HMCN1: variants seen among roughly 807,000 people sequenced by gnomAD.
HMCN1 encodes the protein hemicentin-1.
In HMCN1, 321 loss-of-function variants were observed where a neutral mutation model predicts 625.9. The ratio of observed to expected loss-of-function variants is 0.51; its 90% CI spans 0.47 to 0.56. The LOEUF (loss-of-function observed/expected upper bound fraction) is 0.56, where lower values mean the gene tolerates loss of function less well. Ranked by LOEUF, HMCN1 falls within the 20% of genes least tolerant of loss-of-function variation. HMCN1 has a pLI of 0.00. For missense variants in HMCN1, 6,588 were observed against 6,887.3 expected (o/e 0.96, Z 1.54); for synonymous variants, 2,425 against 2,417.6 (o/e 1.00, Z -0.09).
At chr1:186,116,326 A>G (rs1488611692) in intron 75 of HMCN1, among the ~76,000 whole-genome samples, 1 of 152,140 alleles carries the variant, frequency 6.6e-6, no homozygotes, top group Non-Finnish European at 1.5e-5. Context: ...ACTTTAAATC[A>G]TGTATGTGTA....
Position 185,925,329 on chromosome 1 carries a change from A to G in HMCN1, c.1430+138A>G, listed in dbSNP as rs76191465. ...GAATATAGCAGTGAACAAAATGGAC[A>G]CAAATCTGTGCCGTTGTGGAGCTTA... On this transcript the variant is annotated intron_variant, in intron 9 of 106. Coordinates refer to ENST00000271588, the MANE Select transcript of HMCN1 (RefSeq NM_031935.3). The G allele has an allele frequency of 8.5e-4, 693 of 814,382 alleles. 5 individuals carry two copies. The African/African-American group carries it at 0.01, about 12-fold the overall frequency. The allele number at this position is 814,382 out of a possible 1,614,324, so 50.4% of individuals were successfully genotyped here. A position where few individuals can be genotyped will look rare whatever the true frequency, so the allele number is the denominator to read the frequency against.
At chr1:185,877,362 T>TGCTC (rs1313252025) in intron 4 of HMCN1, among the ~76,000 whole-genome samples, 1 of 133,770 alleles carries the variant, frequency 7.5e-6, no homozygotes, top group Non-Finnish European at 1.6e-5. Context: ...ACCAGTACCA[T>TGCTC]GCTCGCCTTG....
chr1:185,987,909 G>C (rs970306795), intron 20 of HMCN1, among the ~76,000 whole-genome samples: 10 of 151,996 alleles, frequency 6.6e-5, no homozygotes, highest in Non-Finnish European at 2.9e-5. Flanking sequence ...CCCTGGTGGC[G>C]CATGTGGAAC....
chr1:186,130,881 T>C (rs774921394), intron 85 of HMCN1, among the ~76,000 whole-genome samples, 184 bp downstream of exon 85: 3 of 152,206 alleles, frequency 2.0e-5, no homozygotes, highest in Non-Finnish European at 2.9e-5. Context: ...TTCAAATAAG[T>C]GCAGTGAGAT....
At chr1:185,762,803 G>T (rs1655597854) in intron 1 of HMCN1, among the ~76,000 whole-genome samples, 1 of 152,252 alleles carries the variant, frequency 6.6e-6, no homozygotes, top group South Asian at 2.1e-4. Context: ...TTTAGATGTT[G>T]GTTAAGAGCA....
intron 1 of HMCN1, among the ~76,000 whole-genome samples, chr1:185,737,131 C>T (rs1653635350): frequency 6.6e-6 from 1 of 151,166 alleles, no homozygotes; most frequent in Non-Finnish European, 1.5e-5. Flanking sequence ...GAGTTTTTGG[C>T]CTCTTTGTAG....
intron 40 of HMCN1, 87 bp from the exon 41 acceptor site, chr1:186,045,601 G>A: frequency 1.0e-6 from 1 of 976,016 alleles, no homozygotes; most frequent in South Asian, 1.3e-5. Flanking sequence ...AACCAATAAA[G>A]GTATTCAGTA....
At chr1:185,989,438 GA>G (rs1652250120) in intron 20 of HMCN1, 49 bp from the exon 21 acceptor site, 1 of 1,603,960 alleles carries the variant, frequency 6.2e-7, no homozygotes, top group African/African-American at 1.4e-5. Context: ...TTATAATCTT[GA>G]AACAAACAAA....
At chr1:185,926,988 A>C (rs1667309524) in intron 9 of HMCN1, among the ~76,000 whole-genome samples, 2 of 152,192 alleles carry the variant, frequency 1.3e-5, no homozygotes, top group Admixed American at 1.3e-4. Context: ...TTTCATCATC[A>C]AGAAAGGAAC....
At chr1:185,982,082 C>T (rs929074495) in intron 17 of HMCN1, among the ~76,000 whole-genome samples, 180 bp from the exon 18 acceptor site, 13 of 152,268 alleles carry the variant, frequency 8.5e-5, no homozygotes, top group African/African-American at 2.9e-4. Context: ...TGCATTCCCC[C>T]TACTTAGAAG....
chr1:185,803,205 C>CAAAAAAAAAAAAAAAAAAAAAAG, intron 1 of HMCN1, among the ~76,000 whole-genome samples: 1 of 58,758 alleles, frequency 1.7e-5, no homozygotes, highest in African/African-American at 4.1e-5. Flanking sequence ...AAAAAAAAAG[C>CAAAAAAAAAAAAAAAAAAAAAAG]AAAAAAAAAA....
chr1:185,826,568 T>C (rs756482686), intron 1 of HMCN1, among the ~76,000 whole-genome samples: 1 of 152,148 alleles, frequency 6.6e-6, no homozygotes, highest in Non-Finnish European at 1.5e-5. Flanking sequence ...ACAAACTAGG[T>C]GCACCAACTT....
At position 186,096,708 on chromosome 1, in the gene HMCN1, G is replaced by A. The variant is rs529107376; in HGVS notation, c.10573+1187G>A. 1.1e-4 allele frequency among the ~76,000 whole-genome samples: 17 copies of A among 152,168 alleles called. 1 individual carries two copies. In the South Asian group the frequency reaches 3.5e-3, roughly 32 times the overall value. On this transcript the variant is annotated intron_variant, in intron 68 of 106. Transcript: ENST00000271588. ...AAAGATCATTCACTCTGATCAAGTG[G>A]GTTGCATTCCAGGGATGCAAGGATG...
Position 185,951,584 on chromosome 1 carries a change from T to C in HMCN1, c.1829-10934T>C, listed in dbSNP as rs1041502222. ...CTTCAGCCGCTAAGCCGAGAAGATC[T>C]GGGAAGGAGTCAGTCAGAGAGCCTT... On this transcript the variant is annotated intron_variant, in intron 11 of 106. Transcript: ENST00000271588. 9.4e-4 allele frequency among the ~76,000 whole-genome samples: 143 copies of C among 151,450 alleles called. 1 individual carries two copies. Among genetic ancestry groups the C allele is most frequent in the African/African-American group, 3.3e-3 (136 of 41,246 alleles).
At chr1:185,783,256 T>C (rs1657277221) in intron 1 of HMCN1, among the ~76,000 whole-genome samples, 1 of 152,230 alleles carries the variant, frequency 6.6e-6, no homozygotes, top group African/African-American at 2.4e-5. Flanking sequence ...TCTAATCTTT[T>C]ATCAAGGTTT....
intron 1 of HMCN1, among the ~76,000 whole-genome samples, chr1:185,759,517 T>C (rs956022380): frequency 1.3e-5 from 2 of 152,352 alleles, no homozygotes; most frequent in African/African-American, 4.8e-5. Flanking sequence ...AAGGTCACGA[T>C]GGCACCATTT....
chr1:185,802,434 C>A (rs1256048007), intron 1 of HMCN1, among the ~76,000 whole-genome samples: 1 of 152,128 alleles, frequency 6.6e-6, no homozygotes, highest in African/African-American at 2.4e-5. Context: ...GGCCCATTGG[C>A]ATGGATGAAA....
At position 186,113,978 on chromosome 1, in the gene HMCN1, G is replaced by T; in HGVS notation, c.11132-1G>T. 6.2e-7 allele frequency: 1 copy of T among 1,613,962 alleles called. No individual in the cohort carries two copies. The highest frequency in any genetic ancestry group is 8.5e-7 in the Non-Finnish European group (1 of 1,179,938). On this transcript the variant is annotated splice_acceptor_variant, in intron 72 of 106. Transcript: ENST00000271588. LOFTEE classifies it high-confidence loss of function. ...TTTTTTCATGTGTATCTCTTGTTCA[G>T]TTCCTCCAAACATAAAGGGGGGCCC...
chr1:185,752,578 G>A (rs569111196), intron 1 of HMCN1, among the ~76,000 whole-genome samples: 7 of 152,190 alleles, frequency 4.6e-5, no homozygotes, highest in Admixed American at 4.6e-4. Context: ...TGTCTTGCAT[G>A]TGAACTTAGT....
Sources: allele counts gnomAD v4.1 joint callset (sites outside exome capture counted in the v4.1 genomes callset), GRCh38; gene constraint gnomAD v4.1.1; transcripts MANE v1.5; gene names NCBI Gene and HGNC (gene_info 2026-07-23, HGNC 2026-07-21).